Variants in GPR158 observed in about 807,000 individuals in gnomAD.
The protein encoded by GPR158 is metabotropic glycine receptor.
In GPR158, 30 loss-of-function variants were observed where a neutral mutation model predicts 78.2. The ratio of observed to expected loss-of-function variants is 0.38; its 90% CI spans 0.29 to 0.52. GPR158 has a LOEUF of 0.52. GPR158 is among the 20% of genes least tolerant of loss of function. GPR158 has a pLI of 0.83. For missense variants in GPR158, 1,463 were observed against 1,523.5 expected, an observed-to-expected ratio of 0.96 and a Z score of 0.66; for synonymous variants, 581 against 591.1, an observed-to-expected ratio of 0.98 and a Z score of 0.25.
intron 2 of GPR158, among the ~76,000 whole-genome samples, chr10:25,386,213 G>A (rs986693736): frequency 5.9e-5 from 9 of 152,146 alleles, no homozygotes; most frequent in African/African-American, 2.2e-4. Flanking sequence ...TGAAGAGAAT[G>A]TCCTGTCCTC....
At chr10:25,460,206 T>C (rs1357223994) in intron 4 of GPR158, among the ~76,000 whole-genome samples, 1 of 152,120 alleles carries the variant, frequency 6.6e-6, no homozygotes, top group African/African-American at 2.4e-5. Context: ...TTTTTTTTTT[T>C]TCCCTCTTCT....
At chr10:25,517,636 G>GT (rs1287107933) in intron 5 of GPR158, among the ~76,000 whole-genome samples, 1 of 151,856 alleles carries the variant, frequency 6.6e-6, no homozygotes, top group African/African-American at 2.4e-5. Context: ...TAATCATGTG[G>GT]TTTTTGTCTT....
intron 8 of GPR158, among the ~76,000 whole-genome samples, chr10:25,591,444 C>T (rs187993412): frequency 9.4e-4 from 143 of 152,224 alleles, no homozygotes; most frequent in Non-Finnish European, 1.7e-3. Context: ...GAGCCCCAAG[C>T]AACTCATTGG....
intron 2 of GPR158, among the ~76,000 whole-genome samples, chr10:25,348,986 A>AG (rs1588815222): frequency 6.6e-6 from 1 of 152,144 alleles, no homozygotes. Flanking sequence ...GTCTGTGAAG[A>AG]GGTGAGTTTA....
intron 2 of GPR158, among the ~76,000 whole-genome samples, chr10:25,324,068 C>G (rs899724750): frequency 4.6e-5 from 7 of 152,186 alleles, no homozygotes; most frequent in African/African-American, 1.7e-4. Flanking sequence ...TCTATTTAGA[C>G]CACTAAAACT....
chr10:25,207,154 C>T (rs142923849), intron 1 of GPR158, among the ~76,000 whole-genome samples: 16 of 152,120 alleles, frequency 1.1e-4, no homozygotes, highest in East Asian at 7.7e-4. Flanking sequence ...TGAGGCTGAT[C>T]GCTGCAAAAC....
At chr10:25,294,595 G>GTGA (rs1854485141) in intron 2 of GPR158, among the ~76,000 whole-genome samples, 1 of 150,962 alleles carries the variant, frequency 6.6e-6, no homozygotes, top group African/African-American at 2.4e-5. Flanking sequence ...ACCATTACAG[G>GTGA]TGATAGTATG....
chr10:25,288,833 A>G (rs1327077690), intron 2 of GPR158, among the ~76,000 whole-genome samples: 1 of 152,218 alleles, frequency 6.6e-6, no homozygotes, highest in African/African-American at 2.4e-5. Flanking sequence ...TAGTCCTCTC[A>G]AAGACTGTAT....
chr10:25,391,009 G>A (rs1834288998), intron 2 of GPR158, among the ~76,000 whole-genome samples: 1 of 152,224 alleles, frequency 6.6e-6, no homozygotes, highest in South Asian at 2.1e-4. Context: ...GTACAGCTCA[G>A]ACCATTGCTT....
Position 25,519,630 on chromosome 10 carries a change from C to T in GPR158, c.1405-31346C>T, listed in dbSNP as rs56328499. 5.0e-3 allele frequency among the ~76,000 whole-genome samples: 686 copies of T among 136,432 alleles called. 4 individuals are homozygous for T. The highest frequency in any genetic ancestry group is 0.016 in the African/African-American group (449 of 28,958). The allele number at this position is 136,432 out of a possible 152,430, so 89.5% of individuals were successfully genotyped here. ...AAGTATTTTATTTCTCCTTCACTTA[C>T]GAAGCTTAGCTTGGCTGGATATGAA... On this transcript the variant is annotated intron_variant, in intron 5 of 10. Transcript: ENST00000376351.
intron 5 of GPR158, among the ~76,000 whole-genome samples, chr10:25,478,538 GAA>G (rs577559088): frequency 4.1e-4 from 62 of 151,626 alleles, no homozygotes; most frequent in South Asian, 2.1e-3. Flanking sequence ...AGAGAGAAGA[GAA>G]AGAAATGGAT....
intron 2 of GPR158, among the ~76,000 whole-genome samples, chr10:25,299,975 T>TGTAATCTGGAGTAGCTGGGATTACA (rs1350136172): frequency 6.6e-6 from 1 of 152,038 alleles, no homozygotes; most frequent in Non-Finnish European, 1.5e-5. Context: ...TACAGGTGCA[T>TGTAATCTGGAGTAGCTGGGATTACA]GCCGCCACGC....
At chr10:25,255,558 T>C (rs540089834) in intron 2 of GPR158, among the ~76,000 whole-genome samples, 1 of 152,306 alleles carries the variant, frequency 6.6e-6, no homozygotes, top group African/African-American at 2.4e-5. Context: ...CAGAATTAAC[T>C]CCCTTGTGGT....
At chr10:25,471,146 C>T (rs1362586314) in intron 5 of GPR158, among the ~76,000 whole-genome samples, 1 of 141,794 alleles carries the variant, frequency 7.1e-6, no homozygotes, top group African/African-American at 2.6e-5. Context: ...GTGTGATGTT[C>T]CCTCCCCTGT....
At chr10:25,364,506 C>A (rs1855690686) in intron 2 of GPR158, among the ~76,000 whole-genome samples, 1 of 151,820 alleles carries the variant, frequency 6.6e-6, no homozygotes, top group South Asian at 2.1e-4. Context: ...AACAGACGAT[C>A]TCACAAAGGA....
At chr10:25,473,494 C>A (rs2130626640) in intron 5 of GPR158, among the ~76,000 whole-genome samples, 1 of 152,288 alleles carries the variant, frequency 6.6e-6, no homozygotes, top group South Asian at 2.1e-4. Context: ...AGGATTCCCT[C>A]TTTTTCTGTT....
intron 2 of GPR158, among the ~76,000 whole-genome samples, chr10:25,265,713 T>C (rs1854037041): frequency 1.3e-5 from 2 of 152,126 alleles, no homozygotes; most frequent in African/African-American, 4.8e-5. Context: ...AGGGAACAGG[T>C]ACGAAAACTG....
intron 4 of GPR158, among the ~76,000 whole-genome samples, chr10:25,432,920 T>C (rs1834932377): frequency 6.6e-6 from 1 of 152,046 alleles, no homozygotes; most frequent in Non-Finnish European, 1.5e-5. Flanking sequence ...TGATAGATAA[T>C]AAAGAAATAA....
At chr10:25,580,672 G>A (rs2130739557) in intron 7 of GPR158, among the ~76,000 whole-genome samples, 1 of 152,130 alleles carries the variant, frequency 6.6e-6, no homozygotes, top group African/African-American at 2.4e-5. Context: ...ATTCCAATAT[G>A]TCATATGCCT....
Sources: gnomAD v4.1 joint callset for allele counts (sites outside exome capture counted in the v4.1 genomes callset) on GRCh38, gnomAD v4.1.1 for gene constraint, MANE v1.5 for transcripts, NCBI Gene and HGNC (gene_info 2026-07-23, HGNC 2026-07-21) for gene names.